LOXL2: variants seen among roughly 807,000 people sequenced by gnomAD.
LOXL2 encodes the protein lysyl oxidase like 2, also known as lysyl oxidase homolog 2.
LOXL2 carries 70 observed loss-of-function variants against 93.0 expected under a neutral mutation model. The ratio of observed to expected loss-of-function variants is 0.75; its 90% CI spans 0.62 to 0.92. The LOEUF (loss-of-function observed/expected upper bound fraction) is 0.92. Among genes scored for constraint, LOXL2 ranks in the 40% least tolerant of loss-of-function variants. LOXL2 has a pLI of 0.00. For synonymous variants in LOXL2, 438 were observed against 413.2 expected, an observed-to-expected ratio of 1.06 and a Z score of -0.73; for missense variants, 973 against 1,054.9, an observed-to-expected ratio of 0.92 and a Z score of 1.08.
chr8:23,315,003 C>T (rs1243577887), intron 9 of LOXL2, among the ~76,000 whole-genome samples: 1 of 152,146 alleles, frequency 6.6e-6, no homozygotes, highest in African/African-American at 2.4e-5. Flanking sequence ...GTGCGAGCCC[C>T]TGGTCACGGA....
intron 1 of LOXL2, among the ~76,000 whole-genome samples, chr8:23,369,065 A>T (rs1350290520): frequency 6.6e-6 from 1 of 152,178 alleles, no homozygotes; most frequent in Non-Finnish European, 1.5e-5. Flanking sequence ...AGCCTCCTGG[A>T]ACATGGGGGC....
chr8:23,352,760 G>C (rs1008225728), intron 3 of LOXL2, among the ~76,000 whole-genome samples: 6 of 151,952 alleles, frequency 3.9e-5, no homozygotes, highest in African/African-American at 7.3e-5. Context: ...TGGGGGACCA[G>C]GTTCTCCCCT....
chr8:23,392,199 C>T (rs912754121), intron 1 of LOXL2, among the ~76,000 whole-genome samples: 1 of 152,150 alleles, frequency 6.6e-6, no homozygotes, highest in African/African-American at 2.4e-5. Flanking sequence ...GCCACATTTT[C>T]AGCTTGTCTG....
intron 10 of LOXL2, among the ~76,000 whole-genome samples, 194 bp downstream of exon 10, chr8:23,309,474 A>T (rs1177146129): frequency 6.6e-6 from 1 of 152,194 alleles, no homozygotes; most frequent in East Asian, 1.9e-4. Flanking sequence ...GGCCAGGGGA[A>T]CTTGGAGTGG....
chr8:23,402,987 C>G (rs1355703360), intron 1 of LOXL2, among the ~76,000 whole-genome samples: 1 of 152,028 alleles, frequency 6.6e-6, no homozygotes, highest in Admixed American at 6.5e-5. Context: ...CCCCGCACTC[C>G]GGCTGTTTTT....
At chr8:23,310,735 G>C (rs566400112) in intron 9 of LOXL2, among the ~76,000 whole-genome samples, 3 of 152,336 alleles carry the variant, frequency 2.0e-5, no homozygotes, top group Middle Eastern at 6.8e-3. Flanking sequence ...GGGTCTTCCA[G>C]GTTCCACAGG....
At chr8:23,332,978 C>T (rs898149565) in intron 5 of LOXL2, among the ~76,000 whole-genome samples, 1 of 151,590 alleles carries the variant, frequency 6.6e-6, no homozygotes, top group Non-Finnish European at 1.5e-5. Flanking sequence ...AGGATAATGG[C>T]AGGTTTTCTA....
rs1350523500 is a variant in LOXL2, at chr8:23,400,226, T to C, written c.-84+3728A>G. On this transcript the variant is annotated intron_variant, in intron 1 of 13. Transcript: ENST00000389131. ...TATTAGTCTGTTCTCATGCTGCTAATAAAGACATACCCGAGACTGGGTACT... is the reference window on the plus strand; with the variant it reads ...TATTAGTCTGTTCTCATGCTGCTAACAAAGACATACCCGAGACTGGGTACT... Among the ~76,000 whole-genome samples, 5 of 152,220 alleles carry C rather than the reference T, an allele frequency of 3.3e-5. No homozygotes were observed. The East Asian group carries it at 5.8e-4, about 18-fold the overall frequency.
At chr8:23,374,557 G>C (rs1804554985) in intron 1 of LOXL2, among the ~76,000 whole-genome samples, 1 of 152,190 alleles carries the variant, frequency 6.6e-6, no homozygotes, top group African/African-American at 2.4e-5. Context: ...CTAGTTTACA[G>C]TCCCACCAAC....
At chr8:23,328,641 C>A (rs913589385) in intron 5 of LOXL2, 76 bp from the exon 6 acceptor site, 4 of 1,415,060 alleles carry the variant, frequency 2.8e-6, no homozygotes, top group Middle Eastern at 1.8e-4. Context: ...CCGCCCCCTC[C>A]CTTCCCTGCC....
rs188414062 is a variant in LOXL2 at position 23,362,611 on chromosome 8, G to C, written c.356-2346C>G. Among the ~76,000 whole-genome samples the C allele has an allele frequency of 1.6e-3, 251 of 152,290 alleles. 1 individual carries two copies. Among genetic ancestry groups the C allele is most frequent in the Admixed American group, 4.5e-3 (69 of 15,286 alleles). On this transcript the variant is annotated intron_variant, in intron 2 of 13. Coordinates refer to ENST00000389131, the MANE Select transcript of LOXL2 (RefSeq NM_002318.3). The stretch of plus-strand genomic sequence containing the variant: ...TAGCTGGGCATGGTGGCGCACGCCT[G>C]TAGTCCCAGCTATTCAGGAGGCCAA...
intron 4 of LOXL2, chr8:23,337,586 A>G: frequency 6.6e-6 from 1 of 152,202 alleles, no homozygotes; most frequent in African/African-American, 2.4e-5. Context: ...CAGCCAACCA[A>G]CCAGGCAAAC....
At chr8:23,371,751 C>CAAAAAA (rs55780832) in intron 1 of LOXL2, among the ~76,000 whole-genome samples, 11 of 43,898 alleles carry the variant, frequency 2.5e-4, no homozygotes, top group African/African-American at 1.0e-3. Flanking sequence ...GAGTCTGTCT[C>CAAAAAA]AAAAAAAAAA....
Position 23,333,401 on chromosome 8 carries a change from C to G in LOXL2, c.966G>C (p.Glu322Asp). 6.2e-7 allele frequency: 1 copy of G among 1,613,762 alleles called. No individual in the cohort carries two copies. The highest frequency in any genetic ancestry group is 8.5e-7 in the Non-Finnish European group (1 of 1,179,998). Residue 322 changes from glutamate to aspartate, a missense_variant and splice_region_variant, in exon 5 of 14, where the codon GAG becomes GAC. Coordinates refer to ENST00000389131, the MANE Select transcript of LOXL2 (RefSeq NM_002318.3). Reference protein sequence around the residue: ...PSRFRKAYKPEQPLVRLRGGA... With the variant: ...PSRFRKAYKPDQPLVRLRGGA... ...GCCACACCTCGTGCCCCGTCCTCAC[C>G]TCTGGCTTGTACGCTTTCCGGAATC...
At chr8:23,299,212 C>T (rs974529963) in intron 12 of LOXL2, among the ~76,000 whole-genome samples, 5 of 152,154 alleles carry the variant, frequency 3.3e-5, no homozygotes, top group African/African-American at 4.8e-5. Context: ...GGTGGGCCTT[C>T]GGAAGGGGGT....
intron 1 of LOXL2, among the ~76,000 whole-genome samples, chr8:23,380,087 C>G (rs908872336): frequency 2.6e-5 from 4 of 152,176 alleles, no homozygotes; most frequent in Non-Finnish European, 5.9e-5. Flanking sequence ...GAATTGCCCC[C>G]TCGCAACGTT....
chr8:23,322,107 C>T (rs1315805562), intron 7 of LOXL2, 23 bp downstream of exon 7: 6 of 1,612,550 alleles, frequency 3.7e-6, no homozygotes, highest in Non-Finnish European at 5.1e-6. Context: ...TTACAGTCCC[C>T]TCTAGGTGTC....
Position 23,341,246 on chromosome 8 carries a change from C to A in LOXL2, c.532-43G>T, listed in dbSNP as rs770741434. On this transcript the variant is annotated intron_variant, in intron 3 of 13. Transcript: ENST00000389131. ...TGGAAGGAGAGGGTTACCCTACTGG[C>A]CTGGCTGCAGAGACACCAGGCAACC... 1.2e-5 allele frequency: 19 copies of A among 1,520,938 alleles called. 2 individuals are homozygous for A. In the South Asian group the frequency reaches 2.1e-4, roughly 17 times the overall value. 94.2% of individuals were successfully genotyped at this position (1,520,938 alleles called of 1,614,324 possible).
chr8:23,385,864 G>T, intron 1 of LOXL2: 2 of 721,044 alleles, frequency 2.8e-6, no homozygotes, highest in Non-Finnish European at 5.1e-6. Context: ...GATGTTTTGC[G>T]TTCTTTTTTC....
Sources: allele counts gnomAD v4.1 joint callset (sites outside exome capture counted in the v4.1 genomes callset), GRCh38; gene constraint gnomAD v4.1.1; transcripts MANE v1.5; gene names NCBI Gene and HGNC (gene_info 2026-07-23, HGNC 2026-07-21).